Variants in C11orf65 observed in about 807,000 individuals in gnomAD.
The protein encoded by C11orf65 is chromosome 11 open reading frame 65, also known as protein MFI.
In C11orf65, 38 loss-of-function variants were observed where a neutral mutation model predicts 35.3. That is an observed-to-expected ratio of 1.08 (90% confidence interval 0.83 to 1.41). The LOEUF is 1.41. Ranked by LOEUF, C11orf65 falls within the 40% of genes most tolerant of loss-of-function variation. C11orf65 has a pLI of 0.00. For missense variants in C11orf65, 370 were observed against 367.1 expected (o/e 1.01, Z -0.06); for synonymous variants, 105 against 114.4 (o/e 0.92, Z 0.53).
chr11:108,440,521 A>G (rs2093135244), intron 2 of C11orf65, among the ~76,000 whole-genome samples: 1 of 152,156 alleles, frequency 6.6e-6, no homozygotes, highest in Non-Finnish European at 1.5e-5. Context: ...ATGGAATATA[A>G]AAAATGGCCT....
chr11:108,374,425 G>T (rs2091661410), intron 2 of C11orf65, among the ~76,000 whole-genome samples: 1 of 152,192 alleles, frequency 6.6e-6, no homozygotes, highest in Non-Finnish European at 1.5e-5. Flanking sequence ...GCAGCTGAGG[G>T]TCCTGTCTGT....
chr11:108,420,226 G>C (rs2092795688), intron 3 of C11orf65, among the ~76,000 whole-genome samples: 1 of 152,192 alleles, frequency 6.6e-6, no homozygotes, highest in African/African-American at 2.4e-5. Flanking sequence ...CATTTGTTCA[G>C]AGAAAATTTA....
chr11:108,373,028 C>T (rs227088), intron 2 of C11orf65, among the ~76,000 whole-genome samples: 79,614 of 151,728 alleles, frequency 0.52, 21,753 homozygotes, highest in Middle Eastern at 0.73. Context: ...TGCAGTGGGC[C>T]GAGACGTGCC....
At chr11:108,338,171 A>G (rs996307638) in intron 2 of C11orf65, among the ~76,000 whole-genome samples, 1 of 152,228 alleles carries the variant, frequency 6.6e-6, no homozygotes, top group Non-Finnish European at 1.5e-5. Flanking sequence ...CAACATGGCC[A>G]AACCCCATCT....
At position 108,405,304 on chromosome 11, in the gene C11orf65, G is replaced by A. The variant is rs909405247; in HGVS notation, c.560+125C>T. ...TGTGCGTTTTATTCATCTGTCGTTT[G>A]GGTCAGGGTCTGCGGGCAGACCCCC... On this transcript the variant is annotated intron_variant, in intron 6 of 8. Coordinates refer to ENST00000393084, the MANE Select transcript of C11orf65 (RefSeq NM_152587.5). 13 of 896,444 alleles carry A rather than the reference G, an allele frequency of 1.5e-5. No homozygotes were observed. In the South Asian group the frequency reaches 2.3e-4, roughly 16 times the overall value. 55.5% of individuals were successfully genotyped at this position (896,444 alleles called of 1,614,324 possible). A position where few individuals can be genotyped will look rare whatever the true frequency, so the allele number is the denominator to read the frequency against.
intron 2 of C11orf65, among the ~76,000 whole-genome samples, chr11:108,374,161 T>C (rs2091650495): frequency 6.6e-6 from 1 of 151,144 alleles, no homozygotes; most frequent in African/African-American, 2.4e-5. Context: ...CAGTTTGAGA[T>C]CTGAGAATGG....
chr11:108,315,774 A>G (rs1591775699), intron 6 of C11orf65: 2 of 1,474,408 alleles, frequency 1.4e-6, no homozygotes, highest in Non-Finnish European at 1.9e-6. Flanking sequence ...CTAAATTTAT[A>G]GACCGATTTT....
intron 2 of C11orf65, among the ~76,000 whole-genome samples, chr11:108,458,176 C>A (rs1304489995): frequency 6.6e-6 from 1 of 150,694 alleles, no homozygotes; most frequent in East Asian, 1.9e-4. Flanking sequence ...TCTTTTTTTT[C>A]TTTCTTTTTC....
intron 2 of C11orf65, among the ~76,000 whole-genome samples, chr11:108,452,035 C>G (rs1297863219): frequency 6.6e-6 from 1 of 152,042 alleles, no homozygotes; most frequent in Non-Finnish European, 1.5e-5. Context: ...AACGTTAGAC[C>G]TAAAACCATA....
chr11:108,393,084 T>C (rs550921799), intron 7 of C11orf65, 124 bp downstream of exon 7: 12 of 1,026,120 alleles, frequency 1.2e-5, no homozygotes, highest in Middle Eastern at 4.3e-4. Context: ...AAATAATAGA[T>C]ACTCGGGTTT....
Position 108,432,130 on chromosome 11 carries a change from T to C in C11orf65, c.82-292A>G, listed in dbSNP as rs11212630. ...TCTCAGTGTACTCTCCAGAGTAATCTAGAAAAAAACCAAAATACAGACTAC... is the reference window on the plus strand; with the variant it reads ...TCTCAGTGTACTCTCCAGAGTAATCCAGAAAAAAACCAAAATACAGACTAC... On this transcript the variant is annotated intron_variant, in intron 2 of 8. Coordinates refer to ENST00000393084, the MANE Select transcript of C11orf65 (RefSeq NM_152587.5). Among the ~76,000 whole-genome samples the C allele has an allele frequency of 0.057, 8,702 of 152,174 alleles. 802 individuals carry two copies. The highest frequency in any genetic ancestry group is 0.2 in the African/African-American group (8,096 of 41,494).
intron 2 of C11orf65, among the ~76,000 whole-genome samples, chr11:108,444,605 A>G (rs2093219720): frequency 6.6e-6 from 1 of 152,208 alleles, no homozygotes; most frequent in South Asian, 2.1e-4. Flanking sequence ...CAGCACATCA[A>G]AAAGCTTATC....
At chr11:108,350,271 G>T (rs2089022397) in intron 2 of C11orf65, among the ~76,000 whole-genome samples, 3 of 152,126 alleles carry the variant, frequency 2.0e-5, no homozygotes, top group Admixed American at 2.0e-4. Flanking sequence ...GAGGGACAAG[G>T]GGACAAGGAG....
At position 108,444,861 on chromosome 11, in the gene C11orf65, A is replaced by C. The variant is rs139163793; in HGVS notation, c.82-13023T>G. 6.8e-3 allele frequency among the ~76,000 whole-genome samples: 1,037 copies of C among 152,270 alleles called. 19 individuals are homozygous for C. The highest frequency in any genetic ancestry group is 0.023 in the African/African-American group (961 of 41,546). On this transcript the variant is annotated intron_variant, in intron 2 of 8. Transcript: ENST00000393084. ...GGGAGTTCCCTTTCCTAGTCAAAGA[A>C]AGGGGTGACAGATGGCACCTGGAAA... is the stretch of plus-strand genomic sequence containing the variant.
intron 1 of C11orf65, among the ~76,000 whole-genome samples, chr11:108,466,243 C>A (rs1052946068): frequency 6.6e-6 from 1 of 151,946 alleles, no homozygotes; most frequent in Non-Finnish European, 1.5e-5. Flanking sequence ...GATAAAATAA[C>A]CATTGTGAAA....
At chr11:108,393,401 G>A (rs2092217305) in intron 6 of C11orf65, 23 bp from the exon 7 acceptor site, 2 of 1,598,108 alleles carry the variant, frequency 1.3e-6, no homozygotes, top group African/African-American at 1.3e-5. Context: ...AAGGGAAAGA[G>A]AAGTAAATCT....
At chr11:108,449,942 GA>G (rs911874018) in intron 2 of C11orf65, among the ~76,000 whole-genome samples, 11 of 147,880 alleles carry the variant, frequency 7.4e-5, no homozygotes, top group South Asian at 2.1e-4. Context: ...ATTTACAAGA[GA>G]AAAAAAAACC....
chr11:108,421,114 C>T (rs904873908), intron 3 of C11orf65, among the ~76,000 whole-genome samples: 2 of 152,168 alleles, frequency 1.3e-5, no homozygotes, highest in African/African-American at 2.4e-5. Flanking sequence ...AAGCACTAGT[C>T]GTCTTTCTCT....
At chr11:108,459,816 G>T (rs1396458074) in intron 2 of C11orf65, among the ~76,000 whole-genome samples, 1 of 151,298 alleles carries the variant, frequency 6.6e-6, no homozygotes, top group Non-Finnish European at 1.5e-5. Flanking sequence ...TCAAGGGCAA[G>T]GATGTATTCT....
Sources: allele counts gnomAD v4.1 joint callset (sites outside exome capture counted in the v4.1 genomes callset), GRCh38; gene constraint gnomAD v4.1.1; transcripts MANE v1.5; gene names NCBI Gene and HGNC (gene_info 2026-07-23, HGNC 2026-07-21).